MACIR: variants seen among roughly 807,000 people sequenced by gnomAD.
MACIR encodes the protein UNC119-binding protein C5orf30.
MACIR carries 4 observed loss-of-function variants against 14.3 expected under a neutral mutation model. The observed-to-expected ratio is 0.28, with a 90% confidence interval of 0.14 to 0.64. The LOEUF (loss-of-function observed/expected upper bound fraction) is 0.64, where lower values mean the gene tolerates loss of function less well. Among genes scored for constraint, MACIR ranks in the 30% least tolerant of loss-of-function variants. The probability of loss-of-function intolerance (pLI) is 0.83; values close to 1 mark genes in which losing one functional copy is unlikely to be tolerated. For missense variants in MACIR, 228 were observed against 257.6 expected (o/e 0.89, Z 0.79); for synonymous variants, 101 against 102.4 (o/e 0.99, Z 0.08).
At position 103,261,951 on chromosome 5, in the gene MACIR, T is replaced by G. The variant is rs1289027248; in HGVS notation, c.-114+3055T>G. Among the ~76,000 whole-genome samples the G allele has an allele frequency of 2.0e-5, 3 of 152,130 alleles. No individual in the cohort carries two copies. The East Asian group carries it at 5.8e-4, about 29-fold the overall frequency. On this transcript the variant is annotated intron_variant, in intron 1 of 2. Coordinates refer to ENST00000319933, the MANE Select transcript of MACIR (RefSeq NM_033211.4). Reference sequence around the variant, plus strand: ...TCCTCATATTTATAGTCTTATGATTTGTGATCAATGTTGTTAAATTTTTTC... The same window carrying G: ...TCCTCATATTTATAGTCTTATGATTGGTGATCAATGTTGTTAAATTTTTTC...
chr5:103,265,439 G>T (rs1167850489), intron 1 of MACIR, among the ~76,000 whole-genome samples: 2 of 152,094 alleles, frequency 1.3e-5, no homozygotes, highest in Non-Finnish European at 2.9e-5. Context: ...GGTTATTACG[G>T]TCCACATTTT....
chr5:103,272,968 A>G (rs551785736), intron 2 of MACIR, among the ~76,000 whole-genome samples: 2 of 152,310 alleles, frequency 1.3e-5, no homozygotes, highest in South Asian at 4.1e-4. Flanking sequence ...ATTGCTCATC[A>G]GAAGTTCAGC....
At chr5:103,269,463 T>G (rs1805048587) in intron 2 of MACIR, among the ~76,000 whole-genome samples, 1 of 152,100 alleles carries the variant, frequency 6.6e-6, no homozygotes, top group African/African-American at 2.4e-5. Flanking sequence ...AAAAAAACAG[T>G]GAAAGCATAT....
chr5:103,272,419 C>G (rs1805168907), intron 2 of MACIR, among the ~76,000 whole-genome samples: 1 of 151,028 alleles, frequency 6.6e-6, no homozygotes, highest in Non-Finnish European at 1.5e-5. Flanking sequence ...TCTTCCTCTG[C>G]AGATGGGACA....
intron 1 of MACIR, among the ~76,000 whole-genome samples, chr5:103,264,970 C>T: frequency 6.6e-6 from 1 of 152,130 alleles, no homozygotes. Context: ...ACCCCTCCAA[C>T]TGCTTCTGTT....
chr5:103,265,932 A>G lies in MACIR; in HGVS notation c.-89A>G, dbSNP rs1804910007. On this transcript the variant is annotated 5_prime_UTR_variant, in exon 2 of 3. Coordinates refer to ENST00000319933, the MANE Select transcript of MACIR (RefSeq NM_033211.4). ...GTACCTGGAGTAGAACAGAAAAATT[A>G]TTATGTCTGTGTTCCCTTGGGACTC... 6.6e-6 allele frequency: 1 copy of G among 152,126 alleles called. No homozygotes were observed. Among genetic ancestry groups the G allele is most frequent in the Non-Finnish European group, 1.5e-5 (1 of 67,982 alleles). The allele number at this position is 152,126 out of a possible 1,614,324, so 9.4% of individuals were successfully genotyped here.
At chr5:103,274,671 C>G (rs1449012551) in intron 2 of MACIR, among the ~76,000 whole-genome samples, 2 of 151,010 alleles carry the variant, frequency 1.3e-5, no homozygotes, top group African/African-American at 4.9e-5. Flanking sequence ...TTTTTTAAAG[C>G]TTTCTAATTG....
chr5:103,265,649 C>T (rs1554236688), intron 1 of MACIR, among the ~76,000 whole-genome samples: 1 of 152,016 alleles, frequency 6.6e-6, no homozygotes, highest in African/African-American at 2.4e-5. Context: ...TTTATTTAGC[C>T]CAGTTAGGTA....
intron 2 of MACIR, among the ~76,000 whole-genome samples, chr5:103,270,795 G>A (rs1482881527): frequency 1.3e-5 from 2 of 152,120 alleles, no homozygotes; most frequent in African/African-American, 2.4e-5. Context: ...ACACCCTATA[G>A]CATAGGAGCT....
chr5:103,268,632 CA>C (rs1805011855), intron 2 of MACIR, among the ~76,000 whole-genome samples: 1 of 152,202 alleles, frequency 6.6e-6, no homozygotes, highest in African/African-American at 2.4e-5. Context: ...GAATCTTTTA[CA>C]ACTTGCAGAA....
intron 1 of MACIR, among the ~76,000 whole-genome samples, chr5:103,261,686 C>CTTTTCTTTCT (rs1365997319): frequency 8.2e-6 from 1 of 121,846 alleles, no homozygotes; most frequent in Non-Finnish European, 1.7e-5. Context: ...TTCTTTCTTT[C>CTTTTCTTTCT]TTTCTTTCTT....
chr5:103,272,712 G>A (rs1805178637), intron 2 of MACIR, among the ~76,000 whole-genome samples: 1 of 152,038 alleles, frequency 6.6e-6, no homozygotes, highest in African/African-American at 2.4e-5. Context: ...GTGTAGAAGG[G>A]CAATATATAA....
intron 2 of MACIR, among the ~76,000 whole-genome samples, chr5:103,274,313 A>C (rs1273038950): frequency 2.6e-5 from 4 of 151,734 alleles, no homozygotes; most frequent in African/African-American, 9.7e-5. Flanking sequence ...CTGATATTCC[A>C]GTACTATCAA....
chr5:103,262,034 T>A (rs1345618287), intron 1 of MACIR, among the ~76,000 whole-genome samples: 1 of 152,200 alleles, frequency 6.6e-6, no homozygotes, highest in Non-Finnish European at 1.5e-5. Flanking sequence ...CTTTTTTGTG[T>A]GTTTACGAAT....
chr5:103,260,659 CAATG>C, intron 1 of MACIR, among the ~76,000 whole-genome samples: 1 of 152,186 alleles, frequency 6.6e-6, no homozygotes, highest in Admixed American at 6.5e-5. Flanking sequence ...ATATAACAGT[CAATG>C]AATTTGCTTA....
intron 1 of MACIR, chr5:103,259,887 G>T (rs1005485891): frequency 6.6e-6 from 1 of 152,312 alleles, no homozygotes. Context: ...TCTAGTGGTG[G>T]AATCTGCAGG....
chr5:103,265,610 A>G (rs1207044091), intron 1 of MACIR, among the ~76,000 whole-genome samples: 2 of 152,162 alleles, frequency 1.3e-5, no homozygotes, highest in African/African-American at 4.8e-5. Context: ...GGTGAAACCA[A>G]TACTTATTAC....
intron 2 of MACIR, among the ~76,000 whole-genome samples, chr5:103,273,506 T>C (rs1805209081): frequency 6.6e-6 from 1 of 152,336 alleles, no homozygotes; most frequent in Non-Finnish European, 1.5e-5. Flanking sequence ...CTAGCTAATA[T>C]ATTATTTCTG....
chr5:103,277,876 G>A lies in MACIR; in HGVS notation c.*1336G>A, dbSNP rs1305915644. On this transcript the variant is annotated 3_prime_UTR_variant, in exon 3 of 3. Transcript: ENST00000319933. The stretch of plus-strand genomic sequence containing the variant: ...CTGCTTTTTATTTTGGGGTCTGTGA[G>A]TTTCTTAGGTATTAGCAATCTTGCT... 3 of 166,972 alleles carry A rather than the reference G, an allele frequency of 1.8e-5. No individual in the cohort carries two copies. Among genetic ancestry groups the A allele is most frequent in the African/African-American group, 7.2e-5 (3 of 41,394 alleles). 10.3% of individuals were successfully genotyped at this position (166,972 alleles called of 1,614,324 possible).
Sources: allele counts gnomAD v4.1 joint callset (sites outside exome capture counted in the v4.1 genomes callset), GRCh38; gene constraint gnomAD v4.1.1; transcripts MANE v1.5; gene names NCBI Gene and HGNC (gene_info 2026-07-23, HGNC 2026-07-21).